PTPRM: variants seen among roughly 807,000 people sequenced by gnomAD.
PTPRM encodes the protein receptor-type tyrosine-protein phosphatase mu.
Under a neutral mutation model 186.7 loss-of-function variants are expected in PTPRM, and 47 were observed. The ratio of observed to expected loss-of-function variants is 0.25; its 90% CI spans 0.20 to 0.32. The LOEUF is 0.32. Among genes scored for constraint, PTPRM ranks in the 10% least tolerant of loss-of-function variants. The pLI is 1.00. For synonymous variants in PTPRM, 668 were observed against 674.9 expected, an observed-to-expected ratio of 0.99 and a Z score of 0.16; for missense variants, 1,494 against 1,865.0, an observed-to-expected ratio of 0.80 and a Z score of 3.66.
At chr18:8,053,932 G>A (rs1489136372) in intron 7 of PTPRM, among the ~76,000 whole-genome samples, 1 of 151,994 alleles carries the variant, frequency 6.6e-6, no homozygotes, top group Non-Finnish European at 1.5e-5. Context: ...TAATGTTTCA[G>A]TTTGATAATA....
chr18:8,334,256 G>A (rs187078568), intron 22 of PTPRM, among the ~76,000 whole-genome samples: 10 of 152,316 alleles, frequency 6.6e-5, no homozygotes, highest in Non-Finnish European at 4.4e-5. Context: ...CAGAGCTTTA[G>A]GGATGGCAAG....
intron 14 of PTPRM, among the ~76,000 whole-genome samples, chr18:8,239,482 G>C (rs1281347814): frequency 6.6e-6 from 1 of 151,644 alleles, no homozygotes; most frequent in South Asian, 2.1e-4. Flanking sequence ...ACAAAACTGT[G>C]TGAGCCCCCT....
Position 8,049,068 on chromosome 18 carries a change from G to T in PTPRM, c.1133-20618G>T, listed in dbSNP as rs558413255. Among the ~76,000 whole-genome samples the T allele has an allele frequency of 2.6e-5, 4 of 152,194 alleles. No individual in the cohort carries two copies. The South Asian group carries it at 8.3e-4, about 32-fold the overall frequency. ...TGAAAAACTCTGTGAAAATCATTTTGCCTCCTCCTGTTTTATATAGTCTGA... is the reference window on the plus strand; with the variant it reads ...TGAAAAACTCTGTGAAAATCATTTTTCCTCCTCCTGTTTTATATAGTCTGA... On this transcript the variant is annotated intron_variant, in intron 7 of 32. Transcript: ENST00000580170.
In PTPRM at chr18:7,673,917, A is replaced by G. The variant is rs1236971401; in HGVS notation, c.74-100232A>G. Among the ~76,000 whole-genome samples, 5 of 152,166 alleles carry G rather than the reference A, an allele frequency of 3.3e-5. No individual in the cohort carries two copies. In the East Asian group the frequency reaches 9.7e-4, roughly 29 times the overall value. ...AGCAGTGCCAGGAGACAGCACAGCA[A>G]GTTGCAAGGCACTGGGTAGAGCAGA... On this transcript the variant is annotated intron_variant, in intron 1 of 32. Transcript: ENST00000580170.
rs552380473 is a variant in PTPRM at position 8,213,821 on chromosome 18, A to G, written c.2301-30237A>G. 2.1e-4 allele frequency among the ~76,000 whole-genome samples: 32 copies of G among 152,348 alleles called. 1 individual carries two copies. The South Asian group carries it at 6.6e-3, about 32-fold the overall frequency. On this transcript the variant is annotated intron_variant, in intron 14 of 32. Transcript: ENST00000580170. ...CCTGCATGCATGCGCTTGTCACTGCACTGTTCACAATTGCAAAGATACGGA... is the reference window on the plus strand; with the variant it reads ...CCTGCATGCATGCGCTTGTCACTGCGCTGTTCACAATTGCAAAGATACGGA...
rs192077661 is a variant in PTPRM, at chr18:7,879,933, C to T, written c.197-8173C>T. Reference sequence around the variant, plus strand: ...AAGAGGTTTAATTGACTCACTGTTCCGCGTGACTGGGAAGGACTCAGGAAA... The same window carrying T: ...AAGAGGTTTAATTGACTCACTGTTCTGCGTGACTGGGAAGGACTCAGGAAA... On this transcript the variant is annotated intron_variant, in intron 2 of 32. Coordinates refer to ENST00000580170, the MANE Select transcript of PTPRM (RefSeq NM_001105244.2). 2.8e-4 allele frequency among the ~76,000 whole-genome samples: 43 copies of T among 152,208 alleles called. No homozygotes were observed. In the East Asian group the frequency reaches 7.0e-3, roughly 25 times the overall value.
In PTPRM at chr18:8,381,926, G is replaced by A. The variant is rs528288581; in HGVS notation, c.3918+1499G>A. 2.6e-4 allele frequency among the ~76,000 whole-genome samples: 40 copies of A among 152,272 alleles called. 1 individual carries two copies. Among genetic ancestry groups the A allele is most frequent in the African/African-American group, 6.3e-4 (26 of 41,554 alleles). On this transcript the variant is annotated intron_variant, in intron 29 of 32. Transcript: ENST00000580170. ...TGAACAAGACATCAGTGATTCTAGT[G>A]CATTCTTTTTGAAAAACTGCATTGG...
In PTPRM at chr18:8,240,803, AG is replaced by A. The variant is rs2094423094; in HGVS notation, c.2301-3254del. Among the ~76,000 whole-genome samples the A allele has an allele frequency of 3.4e-4, 16 of 46,492 alleles. 1 individual carries two copies. Among genetic ancestry groups the A allele is most frequent in the South Asian group, 2.2e-3 (4 of 1,786 alleles). The allele number at this position is 46,492 out of a possible 152,430, so 30.5% of individuals were successfully genotyped here. ...GAGAGAGAGAGAGAGAGAGAGAGAG[AG>A]AGAGAGAGAGAGAGAGAGAGAGAAA... On this transcript the variant is annotated intron_variant, in intron 14 of 32. Transcript: ENST00000580170.
intron 1 of PTPRM, among the ~76,000 whole-genome samples, chr18:7,569,048 G>A (rs1165576444): frequency 6.6e-6 from 1 of 152,182 alleles, no homozygotes; most frequent in Non-Finnish European, 1.5e-5. Context: ...ATAGGTCTCT[G>A]CGTTTGGGAA....
chr18:7,601,837 A>G (rs145354404), intron 1 of PTPRM, among the ~76,000 whole-genome samples: 335 of 152,328 alleles, frequency 2.2e-3, no homozygotes, highest in African/African-American at 7.8e-3. Flanking sequence ...CATCAGTTGC[A>G]TTGTACCCAT....
At chr18:8,082,858 T>C (rs566381530) in intron 9 of PTPRM, among the ~76,000 whole-genome samples, 4 of 152,222 alleles carry the variant, frequency 2.6e-5, no homozygotes, top group African/African-American at 9.6e-5. Flanking sequence ...CAACTTAGTA[T>C]GTCCACCTGT....
At chr18:7,822,953 C>T (rs574798220) in intron 2 of PTPRM, among the ~76,000 whole-genome samples, 51 of 152,268 alleles carry the variant, frequency 3.3e-4, no homozygotes, top group African/African-American at 1.1e-3. Context: ...ACATCCTGTG[C>T]AGTGTAGGAT....
chr18:7,567,737 C>G lies in PTPRM; in HGVS notation c.-82C>G, dbSNP rs1338643988. Reference sequence around the variant, plus strand: ...GTTTACCCGTCTCTCCTCGCTGCCTCGGAACCAAAGCTCCCGGCCCCCTCC... The same window carrying G: ...GTTTACCCGTCTCTCCTCGCTGCCTGGGAACCAAAGCTCCCGGCCCCCTCC... On this transcript the variant is annotated 5_prime_UTR_variant, in exon 1 of 33. Transcript: ENST00000580170. This position sits in a 1 kb window ranked among gnomAD's most constrained non-coding sequence, Gnocchi z 4.3. 5.4e-6 allele frequency: 7 copies of G among 1,298,652 alleles called. No homozygotes were observed. The African/African-American group carries it at 7.9e-5, about 15-fold the overall frequency. The allele number at this position is 1,298,652 out of a possible 1,614,324, so 80.4% of individuals were successfully genotyped here. A position where few individuals can be genotyped will look rare whatever the true frequency, so the allele number is the denominator to read the frequency against.
At chr18:8,031,891 A>G (rs2085999059) in intron 7 of PTPRM, among the ~76,000 whole-genome samples, 1 of 152,198 alleles carries the variant, frequency 6.6e-6, no homozygotes, top group South Asian at 2.1e-4. Flanking sequence ...GGGATAAACA[A>G]CTGAAGACAC....
chr18:8,317,995 A>G (rs2095321443), intron 21 of PTPRM, among the ~76,000 whole-genome samples: 1 of 152,232 alleles, frequency 6.6e-6, no homozygotes, highest in Non-Finnish European at 1.5e-5. Flanking sequence ...ACCTACAGCA[A>G]GTCAATTGTA....
intron 7 of PTPRM, among the ~76,000 whole-genome samples, chr18:7,958,318 C>G (rs557734395): frequency 1.3e-5 from 2 of 151,886 alleles, no homozygotes; most frequent in East Asian, 3.9e-4. Context: ...TTAGGCTTCT[C>G]ATAATTCTCA....
intron 1 of PTPRM, among the ~76,000 whole-genome samples, chr18:7,633,729 G>T (rs1412533314): frequency 6.6e-6 from 1 of 152,104 alleles, no homozygotes. Context: ...CGCAGGAAAG[G>T]ACAGCATCTT....
chr18:7,648,963 G>GAA (rs112796048), intron 1 of PTPRM, among the ~76,000 whole-genome samples: 99 of 152,306 alleles, frequency 6.5e-4, no homozygotes, highest in African/African-American at 2.3e-3. Flanking sequence ...TTCATAAGTT[G>GAA]AGAGGAGAAG....
At chr18:8,142,274 T>TG (rs2092783167) in intron 13 of PTPRM, among the ~76,000 whole-genome samples, 1 of 152,228 alleles carries the variant, frequency 6.6e-6, no homozygotes, top group South Asian at 2.1e-4. Context: ...CTCAAATGAT[T>TG]GGAATATGCT....
Sources: gnomAD v4.1 joint callset for allele counts (sites outside exome capture counted in the v4.1 genomes callset) on GRCh38, gnomAD v4.1.1 for gene constraint, Gnocchi (gnomAD v3.1) non-coding constraint, MANE v1.5 for transcripts, NCBI Gene and HGNC (gene_info 2026-07-23, HGNC 2026-07-21) for gene names.